The following NTM variants were observed in gnomAD, a reference collection of about 807,000 sequenced individuals.
NTM encodes the protein IgLON family member 2.
In NTM, 13 loss-of-function variants were observed where a neutral mutation model predicts 42.1. The observed-to-expected ratio is 0.31, with a 90% CI of 0.20 to 0.49. The LOEUF is 0.49. Ranked by LOEUF, NTM falls within the 20% of genes least tolerant of loss-of-function variation. The pLI, the probability that NTM is intolerant of heterozygous loss-of-function variation, is 0.99. For synonymous variants in NTM, 187 were observed against 179.2 expected, an observed-to-expected ratio of 1.04 and a Z score of -0.35; for missense variants, 373 against 452.8, an observed-to-expected ratio of 0.82 and a Z score of 1.60.
intron 1 of NTM, among the ~76,000 whole-genome samples, chr11:131,587,365 A>T (rs372282950): frequency 4.6e-5 from 7 of 151,952 alleles, no homozygotes; most frequent in Admixed American, 1.3e-4. Flanking sequence ...GGAGAATGGC[A>T]TGAACCCAGG....
At chr11:131,624,017 A>G (rs944276303) in intron 1 of NTM, among the ~76,000 whole-genome samples, 5 of 152,174 alleles carry the variant, frequency 3.3e-5, no homozygotes, top group Admixed American at 1.3e-4. Context: ...TTTCTGTGAA[A>G]GACAGTGATG....
chr11:131,370,671 C>T lies in NTM; in HGVS notation c.-136C>T. On this transcript the variant is annotated 5_prime_UTR_variant, in exon 1 of 9. Transcript: ENST00000683400. Reference sequence around the variant, plus strand: ...CATACTCTCTCACACCCTCGGCTTTCTTGTTGTGTCCTTCAGCAAAACAGT... The same window carrying T: ...CATACTCTCTCACACCCTCGGCTTTTTTGTTGTGTCCTTCAGCAAAACAGT... 1 of 702,892 alleles carries T rather than the reference C, an allele frequency of 1.4e-6. No homozygotes were observed. The highest frequency in any genetic ancestry group is 1.9e-5 in the South Asian group (1 of 52,544). 43.5% of individuals were successfully genotyped at this position (702,892 alleles called of 1,614,324 possible). A position where few individuals can be genotyped will look rare whatever the true frequency, so the allele number is the denominator to read the frequency against.
At chr11:131,773,521 A>C (rs1340587690) in intron 1 of NTM, among the ~76,000 whole-genome samples, 1 of 152,188 alleles carries the variant, frequency 6.6e-6, no homozygotes, top group Non-Finnish European at 1.5e-5. Context: ...CATATCATTA[A>C]TGGCCCCCAT....
At chr11:131,908,585 G>A (rs1249404896) in intron 1 of NTM, among the ~76,000 whole-genome samples, 3 of 152,234 alleles carry the variant, frequency 2.0e-5, no homozygotes, top group African/African-American at 7.2e-5. Context: ...TAGTGAGGAT[G>A]TGTTTAAGAA....
intron 3 of NTM, among the ~76,000 whole-genome samples, chr11:132,154,930 T>G (rs368076351): frequency 1.1e-4 from 17 of 152,368 alleles, no homozygotes; most frequent in African/African-American, 3.6e-4. Flanking sequence ...GAGAAAGAAT[T>G]TATTGATGCA....
At chr11:131,996,252 A>T (rs1279353675) in intron 2 of NTM, among the ~76,000 whole-genome samples, 1 of 152,066 alleles carries the variant, frequency 6.6e-6, no homozygotes, top group Non-Finnish European at 1.5e-5. Flanking sequence ...TGAGTCCAAA[A>T]GTTAAGGAAA....
chr11:131,481,799 TA>T lies in NTM; in HGVS notation c.82+110919del, dbSNP rs199777884. On this transcript the variant is annotated intron_variant, in intron 1 of 8. Transcript: ENST00000683400. ...GTAGCCACACAGCCCCACCTTAGGTTAAAAAAAATTAAAAAATAAAAAATCC... is the reference window on the plus strand; with the variant it reads ...GTAGCCACACAGCCCCACCTTAGGTTAAAAAAATTAAAAAATAAAAAATCC... 1.7e-3 allele frequency among the ~76,000 whole-genome samples: 252 copies of T among 152,014 alleles called. 4 individuals carry two copies. The East Asian group carries it at 0.037, about 22-fold the overall frequency.
intron 2 of NTM, among the ~76,000 whole-genome samples, chr11:132,141,780 C>T (rs1204640148): frequency 1.3e-5 from 2 of 152,178 alleles, no homozygotes; most frequent in Non-Finnish European, 2.9e-5. Context: ...AAACACATGC[C>T]TTTTCCAGGC....
At chr11:131,715,703 C>T (rs1455710975) in intron 1 of NTM, among the ~76,000 whole-genome samples, 1 of 152,114 alleles carries the variant, frequency 6.6e-6, no homozygotes, top group Non-Finnish European at 1.5e-5. Context: ...CCTTCTGTCA[C>T]CATAGATTCA....
At chr11:131,381,454 A>G (rs1942669681) in intron 1 of NTM, among the ~76,000 whole-genome samples, 1 of 152,212 alleles carries the variant, frequency 6.6e-6, no homozygotes. Context: ...AATTCTGAAG[A>G]CAAATAAGAA....
intron 1 of NTM, among the ~76,000 whole-genome samples, chr11:131,777,296 A>G (rs1237248216): frequency 6.6e-6 from 1 of 152,170 alleles, no homozygotes; most frequent in Non-Finnish European, 1.5e-5. Flanking sequence ...GCAGATACCC[A>G]TACACATACA....
rs546140086 is a variant in NTM at position 131,579,267 on chromosome 11, G to C, written c.82+208379G>C. ...TAGTCATAGCAGGGCAGCAAAAGAA[G>C]ACAGAGAGAAAACAAAACAAAGCAA... On this transcript the variant is annotated intron_variant, in intron 1 of 8. Coordinates refer to ENST00000683400, the MANE Select transcript of NTM (RefSeq NM_001352005.2). 5.3e-5 allele frequency among the ~76,000 whole-genome samples: 8 copies of C among 152,242 alleles called. No homozygotes were observed. In the South Asian group the frequency reaches 1.7e-3, roughly 32 times the overall value.
intron 1 of NTM, among the ~76,000 whole-genome samples, chr11:131,810,059 A>G (rs1395294031): frequency 6.6e-6 from 1 of 152,188 alleles, no homozygotes; most frequent in East Asian, 1.9e-4. Flanking sequence ...AACCTCACTC[A>G]TAATCTCTAC....
chr11:131,790,949 A>G (rs977274349), intron 1 of NTM, among the ~76,000 whole-genome samples: 1 of 152,238 alleles, frequency 6.6e-6, no homozygotes, highest in African/African-American at 2.4e-5. Context: ...GAATACAAAT[A>G]GCAGCAATAA....
chr11:131,925,631 T>G (rs1269002660), intron 2 of NTM, among the ~76,000 whole-genome samples: 1 of 152,122 alleles, frequency 6.6e-6, no homozygotes, highest in Non-Finnish European at 1.5e-5. Context: ...GTGATCTGCC[T>G]GCCTTGGCCT....
At chr11:131,920,213 A>C (rs1314985787) in intron 2 of NTM, among the ~76,000 whole-genome samples, 1 of 152,082 alleles carries the variant, frequency 6.6e-6, no homozygotes, top group Non-Finnish European at 1.5e-5. Context: ...CAGTGGAGTC[A>C]AATGGTAAAA....
In NTM at chr11:131,811,794, T is replaced by C. The variant is rs567652488; in HGVS notation, c.83-99770T>C. ...GGAAGATAAGAGGCACATAGCAAGA[T>C]TCACTCTTGTCCTAGTGTTGGAATA... On this transcript the variant is annotated intron_variant, in intron 1 of 8. Transcript: ENST00000683400. 4.6e-5 allele frequency among the ~76,000 whole-genome samples: 7 copies of C among 152,300 alleles called. No homozygotes were observed. In the East Asian group the frequency reaches 1.2e-3, roughly 25 times the overall value.
chr11:131,453,287 C>G (rs904169601), intron 1 of NTM, among the ~76,000 whole-genome samples: 6 of 152,158 alleles, frequency 3.9e-5, no homozygotes, highest in Non-Finnish European at 8.8e-5. Context: ...CTGTAGAAAA[C>G]TCAACCTCTG....
Position 132,099,836 on chromosome 11 carries a change from G to A in NTM, c.168-46446G>A, listed in dbSNP as rs146980262. Among the ~76,000 whole-genome samples, 34 of 152,204 alleles carry A rather than the reference G, an allele frequency of 2.2e-4. No individual in the cohort carries two copies. In the East Asian group the frequency reaches 4.8e-3, roughly 22 times the overall value. The stretch of plus-strand genomic sequence containing the variant: ...CATTGTAACAACTGGTGGTTTGAAC[G>A]CCTCACTGCATTCCCATGCTGAAAC... On this transcript the variant is annotated intron_variant, in intron 2 of 8. Coordinates refer to ENST00000683400, the MANE Select transcript of NTM (RefSeq NM_001352005.2).
Sources: allele counts gnomAD v4.1 joint callset (sites outside exome capture counted in the v4.1 genomes callset), GRCh38; gene constraint gnomAD v4.1.1; transcripts MANE v1.5; gene names NCBI Gene and HGNC (gene_info 2026-07-23, HGNC 2026-07-21).